Variants in PIEZO1 observed in about 807,000 individuals in gnomAD.
PIEZO1 encodes the protein piezo type mechanosensitive ion channel component 1 (Er blood group), also known as piezo-type mechanosensitive ion channel component 1.
A neutral mutation model predicts 297.2 loss-of-function variants in PIEZO1; 296 were observed. The observed-to-expected ratio is 1.00, with a 90% CI of 0.91 to 1.10. The LOEUF (loss-of-function observed/expected upper bound fraction) is 1.10, where lower values mean the gene tolerates loss of function less well. Among genes scored for constraint, PIEZO1 ranks in the 50% least tolerant of loss-of-function variants. The pLI is 0.00. For missense variants in PIEZO1, 5,018 were observed against 3,455.5 expected, an observed-to-expected ratio of 1.45 and a Z score of -11.34; for synonymous variants, 2,427 against 1,507.5, an observed-to-expected ratio of 1.61 and a Z score of -14.13.
chr16:88,734,337 AGGGAGGGCG>A lies in PIEZO1; in HGVS notation c.2180+10_2180+18del, dbSNP rs1258830069. The A allele has an allele frequency of 6.7e-7, 1 of 1,496,778 alleles. No individual in the cohort carries two copies. Among genetic ancestry groups the A allele is most frequent in the South Asian group, 1.3e-5 (1 of 76,376 alleles). The allele number at this position is 1,496,778 out of a possible 1,614,324, so 92.7% of individuals were successfully genotyped here. A position where few individuals can be genotyped will look rare whatever the true frequency, so the allele number is the denominator to read the frequency against. On this transcript the variant is annotated intron_variant, in intron 16 of 50. Transcript: ENST00000301015. ...AGGCTACACCTCTCCAGGGCCGGAC[AGGGAGGGCG>A]GGGCCGCACCTGTGAGCCCAGCGCG...
intron 1 of PIEZO1, among the ~76,000 whole-genome samples, chr16:88,768,615 G>T (rs1469961403): frequency 6.6e-6 from 1 of 152,200 alleles, no homozygotes; most frequent in Non-Finnish European, 1.5e-5. Context: ...CCTAGTCCGT[G>T]GGGCAGGAGC....
intron 1 of PIEZO1, among the ~76,000 whole-genome samples, chr16:88,772,708 G>A (rs1480510494): frequency 6.6e-6 from 1 of 151,852 alleles, no homozygotes; most frequent in Non-Finnish European, 1.5e-5. Flanking sequence ...GAACCTGGGA[G>A]GCGAAGGTGG....
chr16:88,719,647 A>G lies in PIEZO1; in HGVS notation c.6398T>C (p.Leu2133Pro), dbSNP rs1371288168. The stretch of plus-strand genomic sequence containing the variant: ...GTCCTCCACACACATCCAGCTGGAC[A>G]GGGACAGCGTGGTGTCCGTCCACAC... ...DWVWTDTTLSLSSWMCVEDIY... is the reference protein window; with the variant it reads ...DWVWTDTTLSPSSWMCVEDIY... The change falls in exon 44 of 51, where the codon CTG becomes CCG. Residue 2133 changes from leucine (L) to proline (P), a missense_variant. By Grantham distance (98) the Leu-to-Pro change is moderately conservative (BLOSUM62 -3). Transcript: ENST00000301015. 1.3e-6 allele frequency: 2 copies of G among 1,554,176 alleles called. No individual in the cohort carries two copies. The highest frequency in any genetic ancestry group is 2.4e-5 in the East Asian group (1 of 41,156).
In PIEZO1 at chr16:88,716,607, T is replaced by A. The variant is rs1393434613; in HGVS notation, c.6878A>T (p.Tyr2293Phe). 6.5e-7 allele frequency: 1 copy of A among 1,549,698 alleles called. No homozygotes were observed. The highest frequency in any genetic ancestry group is 8.7e-7 in the Non-Finnish European group (1 of 1,146,758). ...CAGGGTGATGTCGGCCGTGCCGTTG[T>A]AGAGCTCCCGCTTCATCTGGGCACG... ...PSRAQMKREL[Y>F]NGTADITLRF... Residue 2293 changes from tyrosine to phenylalanine, a missense_variant, in exon 47 of 51, where the codon TAC becomes TTC. Transcript: ENST00000301015.
At chr16:88,752,078 C>T (rs1175281444) in intron 1 of PIEZO1, among the ~76,000 whole-genome samples, 4 of 152,228 alleles carry the variant, frequency 2.6e-5, no homozygotes, top group African/African-American at 9.6e-5. Flanking sequence ...GCCGTGCGTG[C>T]AGTTTCCTTT....
At chr16:88,742,482 C>A in intron 2 of PIEZO1, 60 bp from the exon 3 acceptor site, 5 of 1,507,276 alleles carry the variant, frequency 3.3e-6, no homozygotes, top group Non-Finnish European at 4.4e-6. Context: ...GCAGCCCAGG[C>A]CGCTCAGCCG....
At position 88,720,164 on chromosome 16, in the gene PIEZO1, C is replaced by A. The variant is rs568165150; in HGVS notation, c.6069G>T (p.Leu2023=). 1 of 1,550,478 alleles carries A rather than the reference C, an allele frequency of 6.4e-7. No individual in the cohort carries two copies. Among genetic ancestry groups the A allele is most frequent in the Non-Finnish European group, 8.7e-7 (1 of 1,146,986 alleles). Residue 2023 remains leucine (L), a synonymous_variant, in exon 42 of 51, where the codon CTG becomes CTT. Transcript: ENST00000301015. The part of the protein sequence containing the change: ...STMVVDRALY[L]RKTVLGKLAF... ...CCAGCTTGCCCAGCACGGTCTTGCGCAGGTAGAGGGCGCGGTCAACCACCA... is the reference window on the plus strand; with the variant it reads ...CCAGCTTGCCCAGCACGGTCTTGCGAAGGTAGAGGGCGCGGTCAACCACCA...
chr16:88,723,815 T>TC, intron 31 of PIEZO1, 56 bp downstream of exon 31: 1 of 953,684 alleles, frequency 1.0e-6, no homozygotes, highest in Non-Finnish European at 1.6e-6. Flanking sequence ...GCTGCCCTGG[T>TC]CCAGGACCAC....
intron 2 of PIEZO1, among the ~76,000 whole-genome samples, chr16:88,746,127 G>C (rs1906042549): frequency 6.6e-6 from 1 of 152,212 alleles, no homozygotes; most frequent in Non-Finnish European, 1.5e-5. Flanking sequence ...TTGAGGCTGA[G>C]CCATGAGGCC....
intron 1 of PIEZO1, among the ~76,000 whole-genome samples, chr16:88,781,933 C>T (rs1294318852): frequency 6.6e-6 from 1 of 152,184 alleles, no homozygotes; most frequent in East Asian, 1.9e-4. Flanking sequence ...TGCCCCTAGG[C>T]TGTGCCACGA....
At chr16:88,726,247 G>C in intron 27 of PIEZO1, 37 bp downstream of exon 27, 3 of 1,511,590 alleles carry the variant, frequency 2.0e-6, no homozygotes, top group Non-Finnish European at 2.7e-6. Flanking sequence ...CCAGCCCCAA[G>C]ACGGGAGCTC....
In PIEZO1 at chr16:88,744,563, C is replaced by T. The variant is rs543568959; in HGVS notation, c.161-2141G>A. Among the ~76,000 whole-genome samples the T allele has an allele frequency of 1.1e-3, 161 of 151,312 alleles. 1 individual carries two copies. The highest frequency in any genetic ancestry group is 2.8e-3 in the African/African-American group (114 of 41,238). On this transcript the variant is annotated intron_variant, in intron 2 of 50. Coordinates refer to ENST00000301015, the MANE Select transcript of PIEZO1 (RefSeq NM_001142864.4). ...AGGGGCTCTCAGGCCACCTGGCTCC[C>T]GCCCACCCGCCTTGCCCTGCACGAC...
chr16:88,749,562 T>C (rs567601670), intron 1 of PIEZO1, 83 bp from the exon 2 acceptor site: 2 of 1,046,590 alleles, frequency 1.9e-6, no homozygotes, highest in East Asian at 2.8e-5. Context: ...ACGGCCCAGC[T>C]CGTCACACCG....
chr16:88,753,157 C>T (rs1285352633), intron 1 of PIEZO1, among the ~76,000 whole-genome samples: 1 of 101,794 alleles, frequency 9.8e-6, no homozygotes, highest in Non-Finnish European at 2.0e-5. Flanking sequence ...AGAGCACAAC[C>T]GCCCCCCCAG....
chr16:88,783,133 C>G (rs1311902325), intron 1 of PIEZO1, among the ~76,000 whole-genome samples: 3 of 152,206 alleles, frequency 2.0e-5, no homozygotes, highest in Non-Finnish European at 4.4e-5. Context: ...ACCTCCCCAT[C>G]CTCCCCAAGG....
In PIEZO1 at chr16:88,736,268, G is replaced by T; in HGVS notation, c.1437C>A (p.Cys479Ter). Residue 479 changes from cysteine (C) to a stop codon, truncating the protein, a stop_gained, in exon 12 of 51, where the codon TGC becomes TGA. Transcript: ENST00000301015. LOFTEE classifies it high-confidence loss of function. ...GGTCCATGGCCCACACGTAGCGTAGGCAGCACAGCGTCATCCCATACAGCA... is the reference window on the plus strand; with the variant it reads ...GGTCCATGGCCCACACGTAGCGTAGTCAGCACAGCGTCATCCCATACAGCA... The part of the protein sequence containing the change: ...CILLYGMTLC[C>*]LRYVWAMDLR... 6.5e-7 allele frequency: 1 copy of T among 1,550,196 alleles called. No homozygotes were observed. Among genetic ancestry groups the T allele is most frequent in the East Asian group, 2.4e-5 (1 of 40,920 alleles).
Position 88,723,955 on chromosome 16 carries a change from G to C in PIEZO1, c.4251C>G (p.Asp1417Glu), listed in dbSNP as rs1203592962. ...CACTGTCGGACTCAAACAGGAAGTAGTCCCCGGAGTGGATGACTGTGGGCA... is the reference window on the plus strand; with the variant it reads ...CACTGTCGGACTCAAACAGGAAGTACTCCCCGGAGTGGATGACTGTGGGCA... ...LDHATVIHSGDYFLFESDSEE... is the reference protein window; with the variant it reads ...LDHATVIHSGEYFLFESDSEE... The change falls in exon 31 of 51, where the codon GAC becomes GAG. Residue 1417 changes from aspartate to glutamate, a missense_variant. Coordinates refer to ENST00000301015, the MANE Select transcript of PIEZO1 (RefSeq NM_001142864.4). The C allele has an allele frequency of 6.5e-7, 1 of 1,547,150 alleles. No homozygotes were observed. Among genetic ancestry groups the C allele is most frequent in the South Asian group, 1.2e-5 (1 of 84,016 alleles).
At chr16:88,780,712 G>C (rs796577151) in intron 1 of PIEZO1, among the ~76,000 whole-genome samples, 1 of 152,250 alleles carries the variant, frequency 6.6e-6, no homozygotes, top group African/African-American at 2.4e-5. Context: ...TGTAACCCCA[G>C]CACTTTTGGA....
At chr16:88,737,119 G>A (rs536520272) in intron 10 of PIEZO1, 1 of 237,948 alleles carries the variant, frequency 4.2e-6, no homozygotes, top group East Asian at 1.2e-4. Context: ...AAAGTAGCCA[G>A]AAAGAGCCCC....
Sources: allele counts gnomAD v4.1 joint callset (sites outside exome capture counted in the v4.1 genomes callset), GRCh38; gene constraint gnomAD v4.1.1; transcripts MANE v1.5; gene names NCBI Gene and HGNC (gene_info 2026-07-23, HGNC 2026-07-21).